The following TTF1 variants were observed in gnomAD, a reference collection of about 807,000 sequenced individuals.
TTF1 encodes transcription termination factor, RNA polymerase I.
TTF1 carries 64 observed loss-of-function variants against 80.2 expected under a neutral mutation model. The observed-to-expected ratio is 0.80, with a 90% CI of 0.65 to 0.98. The LOEUF is 0.98. TTF1 is among the 50% of genes least tolerant of loss of function. The pLI, the probability that TTF1 is intolerant of heterozygous loss-of-function variation, is 0.00. For missense variants in TTF1, 1,023 were observed against 1,086.2 expected (o/e 0.94, Z 0.82); for synonymous variants, 372 against 382.7 (o/e 0.97, Z 0.33).
chr9:132,397,398 C>T (rs559840339), intron 4 of TTF1, among the ~76,000 whole-genome samples: 11 of 152,304 alleles, frequency 7.2e-5, no homozygotes, highest in African/African-American at 1.9e-4. Flanking sequence ...GATTTGCTTT[C>T]GCTCTGATCC....
At position 132,386,575 on chromosome 9, in the gene TTF1, C is replaced by T. The variant is rs1011490307; in HGVS notation, c.2359G>A (p.Asp787Asn). ...TCTTACCCTATGGCACTAGCAAGATCTTCCCAGTCTATTTCATTAGTATCT... is the reference window on the plus strand; with the variant it reads ...TCTTACCCTATGGCACTAGCAAGATTTTCCCAGTCTATTTCATTAGTATCT... Reference protein sequence around the residue: ...VEDTNEIDWEDLASAIGDVPP... With the variant: ...VEDTNEIDWENLASAIGDVPP... The change falls in exon 9 of 11, where the codon GAT becomes AAT. Residue 787 changes from aspartate (D) to asparagine (N), a missense_variant. By Grantham distance (23) the Asp-to-Asn change is conservative (BLOSUM62 1). Coordinates refer to ENST00000334270, the MANE Select transcript of TTF1 (RefSeq NM_007344.4). 1 of 1,612,404 alleles carries T rather than the reference C, an allele frequency of 6.2e-7. No homozygotes were observed. The highest frequency in any genetic ancestry group is 8.5e-7 in the Non-Finnish European group (1 of 1,178,536).
Position 132,379,156 on chromosome 9 carries a change from GAAAGA to G in TTF1, c.2379-17_2379-13del, listed in dbSNP as rs1441710612. ...ATGGAGGAACATCACTTTAGAAAAGGAAAGAAAAGATAAAAAGCAAGTTAGTTTAA... is the reference window on the plus strand; with the variant it reads ...ATGGAGGAACATCACTTTAGAAAAGGAAAGATAAAAAGCAAGTTAGTTTAA... On this transcript the variant is annotated splice_polypyrimidine_tract_variant and intron_variant, in intron 9 of 10. Transcript: ENST00000334270. The G allele has an allele frequency of 2.5e-6, 4 of 1,587,034 alleles. No individual in the cohort carries two copies. Among genetic ancestry groups the G allele is most frequent in the Non-Finnish European group, 3.4e-6 (4 of 1,167,436 alleles).
Position 132,392,141 on chromosome 9 carries a change from G to A in TTF1, c.1922C>T (p.Thr641Met), listed in dbSNP as rs771793283. 5.6e-6 allele frequency: 9 copies of A among 1,614,170 alleles called. No homozygotes were observed. The highest frequency in any genetic ancestry group is 2.2e-5 in the East Asian group (1 of 44,880). Residue 641 changes from threonine to methionine, a missense_variant, in exon 6 of 11, where the codon ACG becomes ATG. Thr to Met is a moderately conservative substitution (Grantham distance 81). Transcript: ENST00000334270. ...ACTTCGGGCCACCATCTCACCAATC[G>A]TCTTCCAGTCATTCCCAAGGAGAGA... The part of the protein sequence containing the change: ...YHSLLGNDWK[T>M]IGEMVARSSL...
intron 1 of TTF1, among the ~76,000 whole-genome samples, 175 bp downstream of exon 1, chr9:132,406,615 A>C (rs534012311): frequency 1.2e-4 from 18 of 151,246 alleles, no homozygotes; most frequent in African/African-American, 2.9e-4. Context: ...AAAAAAAAAA[A>C]AAAAAACACC....
At chr9:132,399,216 A>AAAAAAAAAAG (rs1849714883) in intron 3 of TTF1, among the ~76,000 whole-genome samples, 1 of 10,234 alleles carries the variant, frequency 9.8e-5, no homozygotes, top group Admixed American at 1.6e-3. Flanking sequence ...AAAAAAAAAG[A>AAAAAAAAAAG]AAAAAAAAAA....
At position 132,384,691 on chromosome 9, in the gene TTF1, C is replaced by T. The variant is rs1207860262; in HGVS notation, c.2378+1865G>A. Among the ~76,000 whole-genome samples, 1 of 152,136 alleles carries T rather than the reference C, an allele frequency of 6.6e-6. No individual in the cohort carries two copies. Among genetic ancestry groups the T allele is most frequent in the African/African-American group, 2.4e-5 (1 of 41,424 alleles). On this transcript the variant is annotated intron_variant, in intron 9 of 10. Transcript: ENST00000334270. The surrounding 1 kb of genome is among the most constrained non-coding windows in gnomAD (Gnocchi z 4.1). ...TTTTCTTTTGAGATGGAGTCTTGCTCTGTTGCCCAGGCTGGAGTGCAATGG... is the reference window on the plus strand; with the variant it reads ...TTTTCTTTTGAGATGGAGTCTTGCTTTGTTGCCCAGGCTGGAGTGCAATGG...
rs368286256 is a variant in TTF1 at position 132,376,124 on chromosome 9, C to T, written c.2509G>A (p.Glu837Lys). The part of the protein sequence containing the change: ...LYETTLPLLK[E>K]KLEKMMEKKG... ...TTCTCCATCATTTTTTCTAACTTTT[C>T]CTTCAGCAAAGGTAGAGTCGTCTCA... Residue 837 changes from glutamate to lysine, a missense_variant, in exon 11 of 11, where the codon GAA becomes AAA. Transcript: ENST00000334270. The T allele has an allele frequency of 3.0e-5, 49 of 1,613,938 alleles. No individual in the cohort carries two copies. The highest frequency in any genetic ancestry group is 4.1e-5 in the Non-Finnish European group (48 of 1,180,032).
chr9:132,399,535 G>GAATAATAAAGGTTATTTATTATTCTTAAT (rs1589826126), intron 3 of TTF1, among the ~76,000 whole-genome samples: 1 of 151,890 alleles, frequency 6.6e-6, no homozygotes, highest in East Asian at 1.9e-4. Flanking sequence ...TTGGATTTAA[G>GAATAATAAAGGTTATTTATTATTCTTAAT]AATAATAAAG....
chr9:132,385,098 C>T (rs918578946), intron 9 of TTF1, among the ~76,000 whole-genome samples: 2 of 152,140 alleles, frequency 1.3e-5, no homozygotes, highest in Admixed American at 6.5e-5. Context: ...ACAACTAAAA[C>T]GTTCTAACTG....
At chr9:132,385,602 C>T (rs1849451804) in intron 9 of TTF1, among the ~76,000 whole-genome samples, 1 of 152,210 alleles carries the variant, frequency 6.6e-6, no homozygotes, top group Non-Finnish European at 1.5e-5. Context: ...TCTTCAGTCT[C>T]ATCCCCGCAT....
At chr9:132,386,432 C>A in intron 9 of TTF1, 124 bp downstream of exon 9, 1 of 855,754 alleles carries the variant, frequency 1.2e-6, no homozygotes, top group Non-Finnish European at 1.9e-6. Flanking sequence ...TGAATTTTAA[C>A]CACCACTTAT....
chr9:132,395,370 A>G (rs1471842347), intron 5 of TTF1, among the ~76,000 whole-genome samples: 1 of 152,162 alleles, frequency 6.6e-6, no homozygotes, highest in Non-Finnish European at 1.5e-5. Context: ...GAACTGTTAG[A>G]TTTTTAGAAT....
chr9:132,386,302 G>A (rs576454686), intron 9 of TTF1, among the ~76,000 whole-genome samples: 67 of 152,274 alleles, frequency 4.4e-4, no homozygotes, highest in African/African-American at 1.5e-3. Context: ...TATCCAACTA[G>A]TGATGTATTT....
At position 132,375,936 on chromosome 9, in the gene TTF1, G is replaced by A; in HGVS notation, c.2697C>T (p.Gly899=). The A allele has an allele frequency of 6.3e-7, 1 of 1,598,212 alleles. No individual in the cohort carries two copies. Among genetic ancestry groups the A allele is most frequent in the East Asian group, 2.2e-5 (1 of 44,684 alleles). Residue 899 remains glycine (G), a synonymous_variant, in exon 11 of 11, where the codon GGC becomes GGT. Transcript: ENST00000334270. The stretch of plus-strand genomic sequence containing the variant: ...GACCTCAGATGATCCACCGGCCTTG[G>A]CCTCCCAAAGTACTGGAATTACAGG... ...AHACNSSTLG[G]QGRWII is the part of the protein sequence containing the mutation.
At chr9:132,391,635 G>C (rs778893873) in intron 6 of TTF1, among the ~76,000 whole-genome samples, 7 of 152,196 alleles carry the variant, frequency 4.6e-5, no homozygotes, top group Non-Finnish European at 1.0e-4. Flanking sequence ...GGTCAGGACT[G>C]TCTTCTGAAA....
At chr9:132,391,536 C>T (rs184248494) in intron 6 of TTF1, among the ~76,000 whole-genome samples, 5 of 152,252 alleles carry the variant, frequency 3.3e-5, no homozygotes, top group Admixed American at 6.5e-5. Flanking sequence ...TTAAGATTTT[C>T]CTCTAGTTCT....
At chr9:132,379,260 A>C in intron 9 of TTF1, 116 bp from the exon 10 acceptor site, 1 of 660,624 alleles carries the variant, frequency 1.5e-6, no homozygotes, top group Non-Finnish European at 2.4e-6. Flanking sequence ...TATCGTAAAC[A>C]TAAGATCATC....
chr9:132,377,757 CGTGTGAATGCATGTGGTGT>C (rs1849244756), intron 10 of TTF1, among the ~76,000 whole-genome samples: 10 of 38,750 alleles, frequency 2.6e-4, no homozygotes, highest in Non-Finnish European at 4.3e-4. Context: ...GCATGTGGTG[CGTGTGAATGCATGTGGTGT>C]GTGTGAGTGC....
intron 10 of TTF1, 24 bp downstream of exon 10, chr9:132,379,035 C>T: frequency 6.4e-7 from 1 of 1,557,274 alleles, no homozygotes; most frequent in Non-Finnish European, 8.7e-7. Flanking sequence ...TGTTCTTAGC[C>T]ATATAAATAT....
Sources: gnomAD v4.1 joint callset for allele counts (sites outside exome capture counted in the v4.1 genomes callset) on GRCh38, gnomAD v4.1.1 for gene constraint, Gnocchi (gnomAD v3.1) non-coding constraint, MANE v1.5 for transcripts, NCBI Gene and HGNC (gene_info 2026-07-23, HGNC 2026-07-21) for gene names.